ARHGAP32: variants seen among roughly 807,000 people sequenced by gnomAD.
ARHGAP32 encodes the protein Rho GTPase activating protein 32.
ARHGAP32 carries 51 observed loss-of-function variants against 186.5 expected under a neutral mutation model. The ratio of observed to expected loss-of-function variants is 0.27; its 90% CI spans 0.22 to 0.35. ARHGAP32 has a LOEUF of 0.35. Among genes scored for constraint, ARHGAP32 ranks in the 10% least tolerant of loss-of-function variants. The pLI, the probability that ARHGAP32 is intolerant of heterozygous loss-of-function variation, is 1.00. For synonymous variants in ARHGAP32, 950 were observed against 964.3 expected (o/e 0.99, Z 0.27); for missense variants, 2,186 against 2,623.5 (o/e 0.83, Z 3.64).
chr11:129,002,524 T>A (rs992008320), intron 11 of ARHGAP32, among the ~76,000 whole-genome samples: 3 of 152,232 alleles, frequency 2.0e-5, no homozygotes, highest in South Asian at 2.1e-4. Flanking sequence ...TATAAGATCA[T>A]ATTATCTGCA....
chr11:129,172,940 A>C (rs891021856), intron 1 of ARHGAP32, among the ~76,000 whole-genome samples: 4 of 151,826 alleles, frequency 2.6e-5, no homozygotes, highest in Non-Finnish European at 5.9e-5. Context: ...GAAATAACTA[A>C]GATCAGAGAA....
rs760631248 is a variant in ARHGAP32 at position 128,974,504 on chromosome 11, G to C, written c.2693C>G (p.Thr898Ser). The change falls in exon 21 of 23, where the codon ACT becomes AGT. Residue 898 changes from threonine (T) to serine (S), a missense_variant. This residue lies in a region of ARHGAP32 where 1,502 missense variants were observed against 1,570.0 expected (regional missense o/e 0.96). Coordinates refer to ENST00000682385, the MANE Select transcript of ARHGAP32 (RefSeq NM_001378024.1). ...AGAGAAAGCATAGACGACCTTTTCA[G>C]TAAAGGAGGATGGCTTAGATGATTT... ...EDKSSKPSSF[T>S]EKVVYAFSPK... 1.2e-6 allele frequency: 2 copies of C among 1,614,088 alleles called. No individual in the cohort carries two copies. Among genetic ancestry groups the C allele is most frequent in the African/African-American group, 2.7e-5 (2 of 74,924 alleles).
intron 1 of ARHGAP32, among the ~76,000 whole-genome samples, chr11:129,218,901 C>A (rs941102130): frequency 4.6e-5 from 7 of 152,144 alleles, no homozygotes; most frequent in Admixed American, 1.3e-4. Context: ...GTGAGAAGAA[C>A]ATCTGTTGTA....
intron 11 of ARHGAP32, among the ~76,000 whole-genome samples, chr11:129,005,917 C>T (rs80115355): frequency 8.7e-4 from 133 of 152,212 alleles, no homozygotes; most frequent in African/African-American, 3.1e-3. Context: ...ATCTTATAGG[C>T]ATGCTTAATT....
chr11:128,976,746 A>G (rs957443288), intron 19 of ARHGAP32, 112 bp from the exon 20 acceptor site: 1 of 861,320 alleles, frequency 1.2e-6, no homozygotes, highest in African/African-American at 1.7e-5. Flanking sequence ...TTAGCTGTAC[A>G]TTTTGACAGC....
chr11:128,968,983 G>A lies in ARHGAP32; in HGVS notation c.6230C>T (p.Thr2077Ile). 1.3e-6 allele frequency: 2 copies of A among 1,599,726 alleles called. No individual in the cohort carries two copies. Among genetic ancestry groups the A allele is most frequent in the Non-Finnish European group, 8.5e-7 (1 of 1,169,970 alleles). Reference protein sequence around the residue: ...FPHPQSRTYATALGQGAFLPA... With the variant: ...FPHPQSRTYAIALGQGAFLPA... ...CAGGAAGGCCCCTTGACCCAACGCT[G>A]TAGCATAGGTCCTGCTCTGTGGATG... The change falls in exon 23 of 23, where the codon ACA becomes ATA. Residue 2077 changes from threonine (T) to isoleucine (I), a missense_variant. Around this residue, in one of 5 missense-constraint regions of ARHGAP32, gnomAD observed 1,502 missense variants for 1,570.0 expected, o/e 0.96. Transcript: ENST00000682385.
rs961653079 is a variant in ARHGAP32, at chr11:129,018,035, TTTTA to T, written c.1046-19571_1046-19568del. Among the ~76,000 whole-genome samples the T allele has an allele frequency of 2.0e-5, 3 of 152,090 alleles. No individual in the cohort carries two copies. The East Asian group carries it at 5.8e-4, about 29-fold the overall frequency. ...TTCTGACTTTGTTTTTTATTATTAT[TTTTA>T]TTTATTTATTTATTACTATACTTGA... is the stretch of plus-strand genomic sequence containing the variant. On this transcript the variant is annotated intron_variant, in intron 11 of 22. Coordinates refer to ENST00000682385, the MANE Select transcript of ARHGAP32 (RefSeq NM_001378024.1).
At chr11:129,089,695 C>T (rs183599516) in intron 6 of ARHGAP32, among the ~76,000 whole-genome samples, 141 of 152,208 alleles carry the variant, frequency 9.3e-4, no homozygotes, top group Non-Finnish European at 1.2e-3. Context: ...GTTTCAACCA[C>T]GATACTAACA....
At chr11:129,143,724 A>C (rs1423344908) in intron 2 of ARHGAP32, among the ~76,000 whole-genome samples, 3 of 145,644 alleles carry the variant, frequency 2.1e-5, no homozygotes, top group Non-Finnish European at 4.6e-5. Flanking sequence ...TAATAAGGAA[A>C]GAAAAGAAAT....
At chr11:129,222,561 G>A (rs1167466486) in intron 1 of ARHGAP32, among the ~76,000 whole-genome samples, 2 of 152,076 alleles carry the variant, frequency 1.3e-5, no homozygotes, top group Non-Finnish European at 2.9e-5. Context: ...TTATATCCAG[G>A]GAATAAACTG....
At chr11:129,085,610 AT>A (rs1329378279) in intron 6 of ARHGAP32, among the ~76,000 whole-genome samples, 1 of 152,190 alleles carries the variant, frequency 6.6e-6, no homozygotes, top group Admixed American at 6.6e-5. Context: ...ATTCTAAAGT[AT>A]TATGGAGAAG....
In ARHGAP32 at chr11:129,176,995, G is replaced by A. The variant is rs887725561; in HGVS notation, c.117-12568C>T. Among the ~76,000 whole-genome samples the A allele has an allele frequency of 6.0e-5, 9 of 150,394 alleles. No individual in the cohort carries two copies. The Admixed American group carries it at 6.0e-4, about 10-fold the overall frequency. On this transcript the variant is annotated intron_variant, in intron 1 of 22. Coordinates refer to ENST00000682385, the MANE Select transcript of ARHGAP32 (RefSeq NM_001378024.1). ...ACCCTTCAAAAAATTAATGAATCCA[G>A]GAGCTGGTTTTTTGAAAGGATCAAC...
At chr11:129,146,704 T>C (rs959261796) in intron 2 of ARHGAP32, among the ~76,000 whole-genome samples, 1 of 152,096 alleles carries the variant, frequency 6.6e-6, no homozygotes, top group African/African-American at 2.4e-5. Context: ...TACCATTGTT[T>C]TGATTTTTAA....
At chr11:129,178,738 A>G (rs1055341719) in intron 1 of ARHGAP32, among the ~76,000 whole-genome samples, 2 of 152,130 alleles carry the variant, frequency 1.3e-5, no homozygotes, top group East Asian at 1.9e-4. Context: ...CTGGCTAGCC[A>G]TATGTAGAAA....
chr11:129,047,917 A>T (rs1939881275), intron 10 of ARHGAP32, among the ~76,000 whole-genome samples: 1 of 152,202 alleles, frequency 6.6e-6, no homozygotes, highest in Non-Finnish European at 1.5e-5. Context: ...CCAAACAAAG[A>T]AGAGAAGAGA....
Position 129,161,637 on chromosome 11 carries a change from C to T in ARHGAP32, c.225+2682G>A, listed in dbSNP as rs1943532074. On this transcript the variant is annotated intron_variant, in intron 2 of 22. Coordinates refer to ENST00000682385, the MANE Select transcript of ARHGAP32 (RefSeq NM_001378024.1). The stretch of plus-strand genomic sequence containing the variant: ...TAGTTAGAATGGTGATCATTAAAGT[C>T]AGGAAACAACAGATGCTGGAGAGGA... Among the ~76,000 whole-genome samples, 4 of 152,180 alleles carry T rather than the reference C, an allele frequency of 2.6e-5. No individual in the cohort carries two copies. In the South Asian group the frequency reaches 8.3e-4, roughly 32 times the overall value.
chr11:129,206,938 T>C (rs1178548448), intron 1 of ARHGAP32, among the ~76,000 whole-genome samples: 1 of 152,108 alleles, frequency 6.6e-6, no homozygotes, highest in African/African-American at 2.4e-5. Context: ...CGGTGTGTGA[T>C]GTTCCCCTCT....
intron 10 of ARHGAP32, among the ~76,000 whole-genome samples, chr11:129,053,496 C>A (rs1940135402): frequency 6.6e-6 from 1 of 152,130 alleles, no homozygotes; most frequent in African/African-American, 2.4e-5. Context: ...ATGATTCACA[C>A]AAGTAAACAA....
chr11:129,279,532 T>C (rs1945584554), upstream of ARHGAP32, among the ~76,000 whole-genome samples: 1 of 144,742 alleles, frequency 6.9e-6, no homozygotes, highest in African/African-American at 2.5e-5. Context: ...CCCGCCCAGC[T>C]GGCCGGCGCG....
Sources: allele counts gnomAD v4.1 joint callset (sites outside exome capture counted in the v4.1 genomes callset), GRCh38; gene constraint gnomAD v4.1.1; regional missense constraint gnomAD v4.1.1; transcripts MANE v1.5; gene names NCBI Gene and HGNC (gene_info 2026-07-23, HGNC 2026-07-21).